LMLN: variants seen among roughly 807,000 people sequenced by gnomAD.
LMLN encodes leishmanolysin-like peptidase.
A neutral mutation model predicts 92.3 loss-of-function variants in LMLN; 70 were observed. That is an observed-to-expected ratio of 0.76 (90% confidence interval 0.63 to 0.92). LMLN has a LOEUF of 0.92. Ranked by LOEUF, LMLN falls within the 40% of genes least tolerant of loss-of-function variation. The pLI, the probability that LMLN is intolerant of heterozygous loss-of-function variation, is 0.00. For synonymous variants in LMLN, 308 were observed against 296.2 expected (o/e 1.04, Z -0.41); for missense variants, 691 against 814.6 (o/e 0.85, Z 1.85).
At chr3:197,969,683 T>C (rs944103162) in intron 1 of LMLN, among the ~76,000 whole-genome samples, 4 of 152,222 alleles carry the variant, frequency 2.6e-5, no homozygotes, top group African/African-American at 4.8e-5. Context: ...CACAAAATAT[T>C]GAGTGTTTGC....
intron 1 of LMLN, among the ~76,000 whole-genome samples, chr3:197,971,964 T>TTTTTTTTTTTTTTC (rs1721238040): frequency 6.7e-6 from 1 of 148,268 alleles, no homozygotes; most frequent in African/African-American, 2.5e-5. Flanking sequence ...TTTTTTTTTT[T>TTTTTTTTTTTTTTC]TTTTAGTCTT....
chr3:198,009,542 G>A (rs780241844), intron 11 of LMLN, among the ~76,000 whole-genome samples: 1 of 152,084 alleles, frequency 6.6e-6, no homozygotes, highest in Non-Finnish European at 1.5e-5. Context: ...GTATAAAATT[G>A]GTGTTAATTC....
At chr3:197,974,434 C>A in exon 2 of LMLN, 1 of 1,591,776 alleles carries the variant, frequency 6.3e-7, no homozygotes, top group Non-Finnish European at 8.6e-7. Context: ...TGTTGATGAG[C>A]ATTTAAGAAT....
intron 1 of LMLN, among the ~76,000 whole-genome samples, chr3:197,970,084 G>A (rs1348312680): frequency 4.6e-5 from 7 of 151,976 alleles, no homozygotes; most frequent in Admixed American, 2.6e-4. Context: ...CCCAGGAGGC[G>A]GAGGTTGCAG....
chr3:198,017,209 A>G (rs978016163), intron 11 of LMLN, among the ~76,000 whole-genome samples: 1 of 152,242 alleles, frequency 6.6e-6, no homozygotes, highest in Non-Finnish European at 1.5e-5. Flanking sequence ...CAGTCATTCA[A>G]ATGTCCCACT....
intron 11 of LMLN, among the ~76,000 whole-genome samples, chr3:198,012,219 C>T (rs1319788551): frequency 1.3e-5 from 2 of 152,272 alleles, no homozygotes; most frequent in East Asian, 3.9e-4. Context: ...CGCCCACCAC[C>T]ATGCCCGGCT....
chr3:198,020,445 G>A (rs1371389087), intron 12 of LMLN, among the ~76,000 whole-genome samples: 3 of 152,158 alleles, frequency 2.0e-5, no homozygotes, highest in African/African-American at 7.2e-5. Context: ...ACACATATTT[G>A]TGAGCTCACT....
intron 11 of LMLN, among the ~76,000 whole-genome samples, chr3:198,001,605 C>T (rs569193408): frequency 3.4e-4 from 52 of 152,166 alleles, no homozygotes; most frequent in Non-Finnish European, 7.1e-4. Context: ...TAGCTAGTAA[C>T]GTAACTCACA....
chr3:197,971,944 C>CTTTTTTTTTTTTTTTTT (rs756710031), intron 1 of LMLN, among the ~76,000 whole-genome samples: 5 of 81,220 alleles, frequency 6.2e-5, no homozygotes, highest in Non-Finnish European at 9.6e-5. Flanking sequence ...AGTCTCTGTT[C>CTTTTTTTTTTTTTTTTT]TTTTTTTTTT....
intron 8 of LMLN, among the ~76,000 whole-genome samples, chr3:197,987,585 C>A (rs1352206960): frequency 6.6e-6 from 1 of 152,074 alleles, no homozygotes; most frequent in Non-Finnish European, 1.5e-5. Context: ...AAAAAAATGA[C>A]TTAGGTTACA....
At chr3:198,021,654 A>G in intron 13 of LMLN, 49 bp downstream of exon 14, 1 of 1,521,404 alleles carries the variant, frequency 6.6e-7, no homozygotes, top group Non-Finnish European at 9.1e-7. Context: ...AAAATTATGT[A>G]TTAGCAATAT....
chr3:198,019,368 T>C lies in LMLN; in HGVS notation c.1348T>C (p.Leu450=), dbSNP rs746725540. Residue 450 remains leucine (L), a synonymous_variant, in exon 12 of 16, where the codon TTA becomes CTA. Transcript: ENST00000330198. This position sits in a 1 kb window ranked among gnomAD's most constrained non-coding sequence, Gnocchi z 5.5. ...TAATTTGCAGAAGTTCCCTAAGCCT[T>C]TACCACAGGAATACCAGGTAGAACA... 1.2e-6 allele frequency: 2 copies of C among 1,613,840 alleles called. No individual in the cohort carries two copies. The highest frequency in any genetic ancestry group is 1.1e-5 in the South Asian group (1 of 91,002).
rs774559317 is a variant in LMLN at position 197,975,073 on chromosome 3, G to A, written c.348+1G>A. The A allele has an allele frequency of 5.5e-6, 8 of 1,464,364 alleles. No individual in the cohort carries two copies. In the Admixed American group the frequency reaches 1.1e-4, roughly 20 times the overall value. The allele number at this position is 1,464,364 out of a possible 1,614,324, so 90.7% of individuals were successfully genotyped here. On this transcript the variant is annotated splice_donor_variant, in intron 3 of 15. Coordinates refer to ENST00000330198, the Ensembl canonical transcript of LMLN. LOFTEE classifies it high-confidence loss of function. Reference sequence around the variant, plus strand: ...CCCTGAGAAAAAGAATCTTGTAAAGGTATGTAATAAATACTCATAACTTGA... The same window carrying A: ...CCCTGAGAAAAAGAATCTTGTAAAGATATGTAATAAATACTCATAACTTGA...
intron 11 of LMLN, among the ~76,000 whole-genome samples, chr3:198,000,450 C>T (rs755273474): frequency 5.3e-5 from 8 of 152,010 alleles, no homozygotes; most frequent in South Asian, 2.1e-4. Flanking sequence ...TTTTTTGAGA[C>T]GGAGTGTTGC....
At chr3:198,030,932 T>A (rs1462337472) in intron 14 of LMLN, among the ~76,000 whole-genome samples, 2 of 146,478 alleles carry the variant, frequency 1.4e-5, no homozygotes, top group Non-Finnish European at 3.0e-5. Context: ...TGACGCCTGC[T>A]GACAGCGTGG....
At chr3:197,985,866 A>G in exon 8 of LMLN, 14 of 1,610,644 alleles carry the variant, frequency 8.7e-6, no homozygotes, top group Non-Finnish European at 1.2e-5. Context: ...AGATTTGCAG[A>G]TGGCCTCCCA....
chr3:198,024,377 G>A (rs568928086), intron 13 of LMLN, among the ~76,000 whole-genome samples: 42 of 151,998 alleles, frequency 2.8e-4, no homozygotes, highest in East Asian at 2.7e-3. Flanking sequence ...CACCGCGCCC[G>A]GCTAATTTTT....
intron 8 of LMLN, among the ~76,000 whole-genome samples, chr3:197,987,892 C>T (rs552435672): frequency 1.1e-4 from 17 of 152,156 alleles, no homozygotes; most frequent in African/African-American, 3.6e-4. Flanking sequence ...GATGGTATCT[C>T]ATTGTTGTAT....
chr3:197,960,587 C>A, intron 1 of LMLN, 147 bp downstream of exon 1: 1 of 703,126 alleles, frequency 1.4e-6, no homozygotes, highest in Non-Finnish European at 2.3e-6. Context: ...GGGACCCGCT[C>A]TCAGCTCCCT....
Sources: gnomAD v4.1 joint callset for allele counts (sites outside exome capture counted in the v4.1 genomes callset) on GRCh38, gnomAD v4.1.1 for gene constraint, Gnocchi (gnomAD v3.1) non-coding constraint, MANE v1.5 for transcripts, NCBI Gene and HGNC (gene_info 2026-07-23, HGNC 2026-07-21) for gene names.